The following PUS10 variants were observed in gnomAD, a reference collection of about 807,000 sequenced individuals.
The protein encoded by PUS10 is tRNA pseudouridine synthase Pus10.
In PUS10, 59 loss-of-function variants were observed where a neutral mutation model predicts 75.0. The observed-to-expected ratio is 0.79, with a 90% CI of 0.64 to 0.98. The LOEUF (loss-of-function observed/expected upper bound fraction) is 0.98, where lower values mean the gene tolerates loss of function less well. Ranked by LOEUF, PUS10 falls within the 50% of genes least tolerant of loss-of-function variation. PUS10 has a pLI of 0.00. For missense variants in PUS10, 650 were observed against 614.4 expected (o/e 1.06, Z -0.61); for synonymous variants, 219 against 211.6 (o/e 1.03, Z -0.30).
rs1413011135 is a variant in PUS10 at position 61,018,250 on chromosome 2, G to C, written c.-258C>G. On this transcript the variant is annotated 5_prime_UTR_variant, in exon 1 of 18. Transcript: ENST00000316752. ...AGCCACGGCATCGACAGGGAGCAAA[G>C]TCTCTCCTTAAAGGTGTTAACCTCT... 2 of 1,551,142 alleles carry C rather than the reference G, an allele frequency of 1.3e-6. No homozygotes were observed. Among genetic ancestry groups the C allele is most frequent in the Non-Finnish European group, 8.7e-7 (1 of 1,147,032 alleles).
At position 60,965,057 on chromosome 2, in the gene PUS10, C is replaced by T. The variant is rs933301972; in HGVS notation, c.723+1G>A. The stretch of plus-strand genomic sequence containing the variant: ...ACTAAGAAGCGGGAACCTTTCCTTA[C>T]CTGTTTGTTTTTGGCTGGCTTAAAA... On this transcript the variant is annotated splice_donor_variant, in intron 8 of 17. Coordinates refer to ENST00000316752, the MANE Select transcript of PUS10 (RefSeq NM_144709.4). LOFTEE classifies it high-confidence loss of function. 1 of 1,613,572 alleles carries T rather than the reference C, an allele frequency of 6.2e-7. No homozygotes were observed.
intron 11 of PUS10, among the ~76,000 whole-genome samples, chr2:60,955,353 G>T (rs1675582924): frequency 6.6e-6 from 1 of 151,840 alleles, no homozygotes; most frequent in Non-Finnish European, 1.5e-5. Context: ...TTTTAGAAAT[G>T]AGATCTTACT....
chr2:60,972,239 G>A (rs999157635), intron 4 of PUS10, among the ~76,000 whole-genome samples: 65 of 148,566 alleles, frequency 4.4e-4, no homozygotes, highest in Admixed American at 3.9e-3. Context: ...CGAGGTGGGC[G>A]GATCACGACG....
intron 4 of PUS10, among the ~76,000 whole-genome samples, chr2:60,991,642 A>C (rs767047720): frequency 2.6e-5 from 4 of 152,070 alleles, no homozygotes; most frequent in Non-Finnish European, 5.9e-5. Context: ...TTTTTGTAGA[A>C]ATGGGAGTAC....
intron 10 of PUS10, 102 bp from the exon 11 acceptor site, chr2:60,960,619 C>A: frequency 9.3e-7 from 1 of 1,079,484 alleles, no homozygotes; most frequent in East Asian, 2.9e-5. Flanking sequence ...CTAAGTGCTA[C>A]GATATAAAAC....
At chr2:61,013,016 G>A (rs952346177) in intron 1 of PUS10, among the ~76,000 whole-genome samples, 18 of 150,820 alleles carry the variant, frequency 1.2e-4, no homozygotes, top group African/African-American at 3.7e-4. Context: ...TTGTGGGGCC[G>A]AAGTAGGAGG....
intron 4 of PUS10, among the ~76,000 whole-genome samples, chr2:60,973,740 C>T (rs1676843354): frequency 6.6e-6 from 1 of 152,238 alleles, no homozygotes; most frequent in African/African-American, 2.4e-5. Flanking sequence ...GGGCCTGAAG[C>T]CTGGGGGCTG....
chr2:60,961,678 T>C (rs764688269), intron 9 of PUS10, 130 bp from the exon 10 acceptor site: 57 of 779,592 alleles, frequency 7.3e-5, no homozygotes, highest in Non-Finnish European at 1.1e-4. Flanking sequence ...TTCGCAACAA[T>C]ACAGGTCTTG....
intron 11 of PUS10, 149 bp downstream of exon 11, chr2:60,960,243 C>G: frequency 2.0e-6 from 1 of 490,574 alleles, no homozygotes; most frequent in Non-Finnish European, 3.3e-6. Flanking sequence ...CTTTAGGAGG[C>G]CAAGGTGGGC....
intron 16 of PUS10, 76 bp from the exon 17 acceptor site, chr2:60,945,184 A>G (rs1314041394): frequency 3.4e-6 from 3 of 876,266 alleles, no homozygotes; most frequent in Middle Eastern, 2.2e-4. Context: ...GGCAAAAATA[A>G]TAATAAGAGC....
rs1430551035 is a variant in PUS10 at position 60,969,301 on chromosome 2, A to G, written c.504-1688T>C. Among the ~76,000 whole-genome samples the G allele has an allele frequency of 2.6e-5, 4 of 152,228 alleles. No individual in the cohort carries two copies. The East Asian group carries it at 5.8e-4, about 22-fold the overall frequency. ...CAGCTTGGAAACCTCATCCTTATAT[A>G]TAAAGCAAATATACTACTTAAAATG... On this transcript the variant is annotated intron_variant, in intron 5 of 17. Coordinates refer to ENST00000316752, the MANE Select transcript of PUS10 (RefSeq NM_144709.4).
intron 9 of PUS10, among the ~76,000 whole-genome samples, chr2:60,962,342 C>T (rs1676077044): frequency 1.3e-5 from 2 of 152,142 alleles, no homozygotes; most frequent in South Asian, 2.1e-4. Context: ...GAGGCCGAGG[C>T]GGGTGGATCA....
At chr2:60,956,062 T>C (rs541740038) in intron 11 of PUS10, among the ~76,000 whole-genome samples, 2 of 150,866 alleles carry the variant, frequency 1.3e-5, no homozygotes, top group Non-Finnish European at 2.9e-5. Context: ...CGTCACGGAC[T>C]AAAAGCTGCA....
intron 4 of PUS10, among the ~76,000 whole-genome samples, chr2:60,972,204 C>T (rs1158039871): frequency 2.1e-5 from 3 of 144,460 alleles, no homozygotes; most frequent in Non-Finnish European, 4.6e-5. Context: ...TGGCTCACGC[C>T]TGTAATCCCA....
intron 16 of PUS10, among the ~76,000 whole-genome samples, chr2:60,947,815 C>A (rs754376350): frequency 3.1e-4 from 37 of 120,228 alleles, no homozygotes; most frequent in Non-Finnish European, 3.5e-4. Context: ...GGCGACAGAG[C>A]GAGACTCTGC....
intron 4 of PUS10, among the ~76,000 whole-genome samples, chr2:60,979,799 A>G (rs1469531876): frequency 6.6e-6 from 1 of 152,254 alleles, no homozygotes; most frequent in Non-Finnish European, 1.5e-5. Context: ...TTTAGATAGC[A>G]TTGAAAAGGT....
chr2:60,983,481 C>A (rs1281689425), intron 4 of PUS10, among the ~76,000 whole-genome samples: 3 of 151,956 alleles, frequency 2.0e-5, no homozygotes, highest in African/African-American at 7.3e-5. Flanking sequence ...GAGTTTGAGA[C>A]CAGCCTGACC....
intron 4 of PUS10, among the ~76,000 whole-genome samples, chr2:60,975,865 G>A (rs1040960096): frequency 4.6e-5 from 7 of 151,846 alleles, no homozygotes; most frequent in African/African-American, 7.3e-5. Flanking sequence ...CGTTTCAAAC[G>A]ATTCTCCTGC....
At chr2:60,964,253 T>G (rs1676203002) in intron 8 of PUS10, among the ~76,000 whole-genome samples, 1 of 152,252 alleles carries the variant, frequency 6.6e-6, no homozygotes, top group African/African-American at 2.4e-5. Context: ...TGTTACAAAC[T>G]TCTTTCCCCC....
Sources: allele counts gnomAD v4.1 joint callset (sites outside exome capture counted in the v4.1 genomes callset), GRCh38; gene constraint gnomAD v4.1.1; transcripts MANE v1.5; gene names NCBI Gene and HGNC (gene_info 2026-07-23, HGNC 2026-07-21).